Variants in FOXP2 observed in about 807,000 individuals in gnomAD.
The protein encoded by FOXP2 is forkhead box P2.
In FOXP2, 12 loss-of-function variants were observed where a neutral mutation model predicts 115.8. The ratio of observed to expected loss-of-function variants is 0.10; its 90% CI spans 0.07 to 0.17. The LOEUF (loss-of-function observed/expected upper bound fraction) is 0.17. Ranked by LOEUF, FOXP2 falls within the 10% of genes least tolerant of loss-of-function variation. The pLI is 1.00. For missense variants in FOXP2, 629 were observed against 843.5 expected (o/e 0.75, Z 3.15); for synonymous variants, 328 against 297.7 (o/e 1.10, Z -1.05).
At chr7:114,263,993 ATTCTAGCTTTGCCTGTTTAGC>A (rs1260339212) in intron 1 of FOXP2, among the ~76,000 whole-genome samples, 1 of 152,020 alleles carries the variant, frequency 6.6e-6, no homozygotes, top group Non-Finnish European at 1.5e-5. Context: ...CACTGGATGT[ATTCTAGCTTTGCCTGTTTAGC>A]TTCCTTACTC....
At chr7:114,101,899 T>TTGTGTGTGTGTGTGTG (rs5886693) in intron 1 of FOXP2, among the ~76,000 whole-genome samples, 1 of 142,410 alleles carries the variant, frequency 7.0e-6, no homozygotes, top group Admixed American at 7.2e-5. Context: ...CTTCAACATT[T>TTGTGTGTGTGTGTGTG]TGTGTGTGTG....
intron 2 of FOXP2, among the ~76,000 whole-genome samples, chr7:114,520,423 GC>G (rs1468141289): frequency 3.3e-5 from 5 of 152,024 alleles, no homozygotes; most frequent in African/African-American, 1.2e-4. Flanking sequence ...AGACTTAAAA[GC>G]AACACTATCA....
At chr7:114,409,874 C>A (rs559968978), upstream of FOXP2, among the ~76,000 whole-genome samples, 2 of 152,198 alleles carry the variant, frequency 1.3e-5, no homozygotes, top group African/African-American at 2.4e-5. Context: ...ATTTGGGCTT[C>A]TCCTTCTGAC....
At chr7:114,440,974 G>A (rs1794573154) in intron 2 of FOXP2, among the ~76,000 whole-genome samples, 1 of 152,124 alleles carries the variant, frequency 6.6e-6, no homozygotes, top group South Asian at 2.1e-4. Flanking sequence ...CTTAGAAAAT[G>A]TAACCTTTGC....
At chr7:114,256,795 A>G (rs1420676970) in intron 1 of FOXP2, among the ~76,000 whole-genome samples, 1 of 152,252 alleles carries the variant, frequency 6.6e-6, no homozygotes, top group African/African-American at 2.4e-5. Context: ...GAAATCAGAG[A>G]GGGTACAAAC....
At position 114,260,580 on chromosome 7, in the gene FOXP2, C is replaced by T. The variant is rs995971968; in HGVS notation, c.-101-27439C>T. Among the ~76,000 whole-genome samples the T allele has an allele frequency of 2.6e-5, 4 of 151,864 alleles. 1 individual carries two copies. In the South Asian group the frequency reaches 8.3e-4, roughly 32 times the overall value. ...TGTTGGCCTGACCTAAATTTTCTAG[C>T]CTACTATTTTGTTAGGTTTTTAGAA... On this transcript the variant is annotated intron_variant, in intron 1 of 17. Transcript: ENST00000634411.
intron 1 of FOXP2, among the ~76,000 whole-genome samples, chr7:114,145,456 C>CTTTTCTTTTCTTTTG (rs1792342677): frequency 8.6e-6 from 1 of 116,348 alleles, no homozygotes. Context: ...CTTTTCTTTT[C>CTTTTCTTTTCTTTTG]TTTTCTTTTC....
intron 3 of FOXP2, among the ~76,000 whole-genome samples, chr7:114,541,673 T>C (rs1259757259): frequency 6.6e-6 from 1 of 151,646 alleles, no homozygotes; most frequent in Non-Finnish European, 1.5e-5. Context: ...GCTTCTCAGA[T>C]TGCAGTGAAA....
intron 2 of FOXP2, among the ~76,000 whole-genome samples, chr7:114,480,437 C>G (rs546118487): frequency 3.2e-4 from 49 of 151,344 alleles, no homozygotes; most frequent in African/African-American, 1.2e-3. Context: ...TTCCTAGTCT[C>G]TTTTATTCAG....
chr7:114,520,564 T>C (rs950545921), intron 2 of FOXP2, among the ~76,000 whole-genome samples: 2 of 152,034 alleles, frequency 1.3e-5, no homozygotes, highest in Non-Finnish European at 2.9e-5. Flanking sequence ...AGTTAGAAAA[T>C]AAATATTAGT....
chr7:114,471,137 G>A (rs1796027841), intron 2 of FOXP2, among the ~76,000 whole-genome samples: 2 of 151,986 alleles, frequency 1.3e-5, no homozygotes, highest in East Asian at 3.9e-4. Context: ...TAAAGGGAGG[G>A]CTAATTTCTC....
chr7:114,361,156 A>C (rs946383377), intron 2 of FOXP2, among the ~76,000 whole-genome samples: 5 of 152,158 alleles, frequency 3.3e-5, no homozygotes, highest in Non-Finnish European at 5.9e-5. Context: ...GGGAAATATG[A>C]ATAAACATTA....
intron 3 of FOXP2, among the ~76,000 whole-genome samples, chr7:114,546,837 A>G (rs1450314283): frequency 2.6e-5 from 4 of 152,222 alleles, no homozygotes; most frequent in African/African-American, 7.2e-5. Flanking sequence ...TTCATGTCAG[A>G]GATTGCATTT....
chr7:114,405,278 A>G (rs1793007178), intron 2 of FOXP2, among the ~76,000 whole-genome samples: 1 of 151,936 alleles, frequency 6.6e-6, no homozygotes, highest in Admixed American at 6.6e-5. Flanking sequence ...CCTTATTATA[A>G]AAGCAGTAAT....
chr7:114,331,128 CA>C (rs1467801149), intron 2 of FOXP2, among the ~76,000 whole-genome samples: 5 of 151,918 alleles, frequency 3.3e-5, no homozygotes, highest in Non-Finnish European at 7.4e-5. Context: ...CAAATCTGAG[CA>C]AAACAACCTT....
At chr7:114,316,364 G>A (rs916699656) in intron 2 of FOXP2, among the ~76,000 whole-genome samples, 4 of 152,146 alleles carry the variant, frequency 2.6e-5, no homozygotes, top group African/African-American at 9.7e-5. Context: ...CATTCATTCA[G>A]CATATATACT....
At chr7:114,108,733 A>G (rs1449408274) in intron 1 of FOXP2, among the ~76,000 whole-genome samples, 1 of 151,962 alleles carries the variant, frequency 6.6e-6, no homozygotes, top group Admixed American at 6.6e-5. Flanking sequence ...ATCTATTGAG[A>G]TCATGTTAAC....
At chr7:114,477,655 G>A (rs1199159673) in intron 2 of FOXP2, among the ~76,000 whole-genome samples, 3 of 151,744 alleles carry the variant, frequency 2.0e-5, no homozygotes, top group Admixed American at 6.6e-5. Context: ...AACATTGAAA[G>A]TAATCTCTCT....
intron 3 of FOXP2, among the ~76,000 whole-genome samples, chr7:114,566,711 C>T (rs1364009483): frequency 6.6e-6 from 1 of 151,994 alleles, no homozygotes; most frequent in East Asian, 1.9e-4. Flanking sequence ...CTAAGACAAC[C>T]ACTATTCCAT....
Sources: allele counts gnomAD v4.1 joint callset (sites outside exome capture counted in the v4.1 genomes callset), GRCh38; gene constraint gnomAD v4.1.1; transcripts MANE v1.5; gene names NCBI Gene and HGNC (gene_info 2026-07-23, HGNC 2026-07-21).